The following CADM2 variants were observed in gnomAD, a reference collection of about 807,000 sequenced individuals.
CADM2 encodes the protein immunoglobulin superfamily member 4D.
CADM2 carries 12 observed loss-of-function variants against 49.8 expected under a neutral mutation model. That is an observed-to-expected ratio of 0.24 (90% confidence interval 0.15 to 0.39). The LOEUF is 0.39. Among genes scored for constraint, CADM2 ranks in the 10% least tolerant of loss-of-function variants. The probability of loss-of-function intolerance (pLI) is 1.00; values close to 1 mark genes in which losing one functional copy is unlikely to be tolerated. For synonymous variants in CADM2, 214 were observed against 175.4 expected, an observed-to-expected ratio of 1.22 and a Z score of -1.74; for missense variants, 378 against 492.3, an observed-to-expected ratio of 0.77 and a Z score of 2.20.
intron 1 of CADM2, among the ~76,000 whole-genome samples, chr3:85,457,720 ATTTG>A (rs1165700783): frequency 3.9e-5 from 6 of 152,320 alleles, no homozygotes; most frequent in African/African-American, 9.6e-5. Context: ...CAAACTTAGA[ATTTG>A]TTTGTAATGA....
At chr3:85,705,049 A>G (rs1448029977) in intron 1 of CADM2, among the ~76,000 whole-genome samples, 2 of 144,862 alleles carry the variant, frequency 1.4e-5, no homozygotes, top group South Asian at 2.2e-4. Context: ...TTTTTTTTAA[A>G]TAGAGACGGG....
At chr3:85,170,290 G>A (rs2040587375) in intron 1 of CADM2, among the ~76,000 whole-genome samples, 2 of 151,866 alleles carry the variant, frequency 1.3e-5, no homozygotes, top group Admixed American at 6.6e-5. Flanking sequence ...TAGGTAAAAT[G>A]TAGTGTTTTA....
At chr3:85,935,964 G>A (rs1721147233) in intron 7 of CADM2, 107 bp downstream of exon 7, 1 of 563,924 alleles carries the variant, frequency 1.8e-6, no homozygotes. Flanking sequence ...TTCTTGGTGG[G>A]CAAAGTGATC....
At chr3:85,347,855 T>G (rs1401476527) in intron 1 of CADM2, among the ~76,000 whole-genome samples, 1 of 151,094 alleles carries the variant, frequency 6.6e-6, no homozygotes, top group African/African-American at 2.4e-5. Context: ...TCGCCCAGGC[T>G]GGAGTGCAGT....
chr3:84,987,926 GT>G (rs997174381), intron 1 of CADM2, among the ~76,000 whole-genome samples: 3 of 152,192 alleles, frequency 2.0e-5, no homozygotes, highest in African/African-American at 7.2e-5. Flanking sequence ...GCAGGGGTGT[GT>G]ATGCTGTCAT....
chr3:85,797,076 G>A (rs1354550861), intron 2 of CADM2, among the ~76,000 whole-genome samples: 2 of 139,738 alleles, frequency 1.4e-5, no homozygotes, highest in African/African-American at 2.7e-5. Context: ...CCTGGCAAGA[G>A]AGCAAGAATC....
intron 4 of CADM2, 37 bp downstream of exon 4, chr3:85,883,480 C>G (rs201874559): frequency 1.9e-6 from 3 of 1,551,596 alleles, no homozygotes; most frequent in African/African-American, 1.4e-5. Flanking sequence ...AATCACAAAA[C>G]CAGAATGATA....
At chr3:85,031,934 T>C (rs777111417) in intron 1 of CADM2, among the ~76,000 whole-genome samples, 3 of 152,222 alleles carry the variant, frequency 2.0e-5, no homozygotes, top group Admixed American at 1.3e-4. Flanking sequence ...TTTTTCATTT[T>C]ATGGTCCTGC....
chr3:85,560,052 C>T (rs999108264), intron 1 of CADM2, among the ~76,000 whole-genome samples: 9 of 152,108 alleles, frequency 5.9e-5, no homozygotes, highest in Non-Finnish European at 1.3e-4. Context: ...ATTCGCCCCT[C>T]TTCTAGTCCT....
chr3:85,852,801 A>G (rs2075160095), intron 3 of CADM2, among the ~76,000 whole-genome samples: 1 of 152,008 alleles, frequency 6.6e-6, no homozygotes, highest in Non-Finnish European at 1.5e-5. Context: ...AATTATACTT[A>G]TTTGCTTACA....
At chr3:86,066,102 G>A (rs905889252) in intron 9 of CADM2, among the ~76,000 whole-genome samples, 2 of 151,898 alleles carry the variant, frequency 1.3e-5, no homozygotes, top group African/African-American at 4.8e-5. Context: ...AATATATATT[G>A]TGCAACGGGC....
chr3:85,116,817 T>C (rs943767317), intron 1 of CADM2, among the ~76,000 whole-genome samples: 5 of 152,076 alleles, frequency 3.3e-5, no homozygotes, highest in Non-Finnish European at 7.4e-5. Context: ...AGTTAAATGG[T>C]ATAAAAAAAT....
Position 85,802,028 on chromosome 3 carries a change from T to A in CADM2, c.89-19T>A. ...TTATGACTTTCATTTAATCAACATT[T>A]TCTTTAATCCCCTTTTAGGCAGCCA... On this transcript the variant is annotated intron_variant, in intron 2 of 9. Coordinates refer to ENST00000383699, the MANE Select transcript of CADM2 (RefSeq NM_001167675.2). 6.3e-7 allele frequency: 1 copy of A among 1,585,238 alleles called. No homozygotes were observed. The highest frequency in any genetic ancestry group is 8.6e-7 in the Non-Finnish European group (1 of 1,162,692).
At chr3:85,287,214 G>A (rs893661252) in intron 1 of CADM2, among the ~76,000 whole-genome samples, 2 of 151,398 alleles carry the variant, frequency 1.3e-5, no homozygotes, top group African/African-American at 2.4e-5. Context: ...TCCTGCATTA[G>A]TTCCCATCTA....
intron 3 of CADM2, among the ~76,000 whole-genome samples, chr3:85,824,421 C>CA (rs1230230855): frequency 7.1e-6 from 1 of 141,142 alleles, no homozygotes; most frequent in Non-Finnish European, 1.5e-5. Context: ...TAAGAAAAAA[C>CA]AAAAAAACTC....
At chr3:85,772,512 A>G (rs555551538) in intron 2 of CADM2, among the ~76,000 whole-genome samples, 68 of 152,238 alleles carry the variant, frequency 4.5e-4, no homozygotes, top group African/African-American at 1.6e-3. Context: ...ACAAAAATGT[A>G]TATATTTCTA....
intron 1 of CADM2, among the ~76,000 whole-genome samples, chr3:85,442,388 T>A (rs1028898129): frequency 1.3e-5 from 2 of 151,774 alleles, no homozygotes; most frequent in Non-Finnish European, 2.9e-5. Flanking sequence ...AGCAAATGAC[T>A]ACAGACTATC....
In CADM2 at chr3:85,227,452, C is replaced by CTT. The variant is rs143104896; in HGVS notation, c.61+267802_61+267803dup. Among the ~76,000 whole-genome samples the CTT allele has an allele frequency of 1.5e-3, 183 of 120,810 alleles. 1 individual carries two copies. The highest frequency in any genetic ancestry group is 5.4e-3 in the African/African-American group (169 of 31,170). 79.3% of individuals were successfully genotyped at this position (120,810 alleles called of 152,430 possible). On this transcript the variant is annotated intron_variant, in intron 1 of 9. Coordinates refer to ENST00000383699, the MANE Select transcript of CADM2 (RefSeq NM_001167675.2). ...TCAGAGACTAGGATTGCAACCCCTG[C>CTT]TTTTTTTTTTTTTTTTTTTGATCTT...
intron 1 of CADM2, among the ~76,000 whole-genome samples, chr3:85,476,997 A>G (rs1406384000): frequency 1.3e-5 from 2 of 150,412 alleles, no homozygotes; most frequent in Non-Finnish European, 3.0e-5. Context: ...TTCAAAATGA[A>G]CATATAGAAA....
Sources: gnomAD v4.1 joint callset for allele counts (sites outside exome capture counted in the v4.1 genomes callset) on GRCh38, gnomAD v4.1.1 for gene constraint, MANE v1.5 for transcripts, NCBI Gene and HGNC (gene_info 2026-07-23, HGNC 2026-07-21) for gene names.